The following NHS variants were observed in gnomAD, a reference collection of about 807,000 sequenced individuals.
NHS encodes the protein NHS actin remodeling regulator.
A neutral mutation model predicts 72.5 loss-of-function variants in NHS; 5 were observed. The ratio of observed to expected loss-of-function variants is 0.07; its 90% CI spans 0.04 to 0.14. NHS has a LOEUF of 0.14. NHS is among the 10% of genes least tolerant of loss of function. The pLI is 1.00. For missense variants in NHS, 1,072 were observed against 1,355.7 expected (o/e 0.79, Z 3.29); for synonymous variants, 464 against 547.7 (o/e 0.85, Z 2.13).
At chrX:17,548,072 G>A (rs758839460) in intron 1 of NHS, among the ~76,000 whole-genome samples, 11 of 111,786 alleles carry the variant, frequency 9.8e-5, no homozygotes, top group Non-Finnish European at 2.1e-4. Context: ...CAAGTTGCAA[G>A]ACCAAGCCAG....
At chrX:17,409,585 C>A (rs948190338) in intron 1 of NHS, among the ~76,000 whole-genome samples, 1 of 111,349 alleles carries the variant, frequency 9.0e-6, no homozygotes, top group African/African-American at 3.3e-5. Flanking sequence ...CGCTACATGT[C>A]TAAGGGGTGT....
At chrX:17,435,519 C>T (rs1318937524) in intron 1 of NHS, among the ~76,000 whole-genome samples, 1 of 112,241 alleles carries the variant, frequency 8.9e-6, no homozygotes, top group Non-Finnish European at 1.9e-5. Context: ...GAGGTTCTGC[C>T]TGCGGGCTCT....
intron 1 of NHS, among the ~76,000 whole-genome samples, chrX:17,445,549 G>A (rs1423426815): frequency 1.8e-5 from 2 of 110,879 alleles, no homozygotes; most frequent in African/African-American, 6.6e-5. Context: ...ATTGATCTTG[G>A]ACTCTTGGCA....
At chrX:17,508,898 C>A (rs914410647) in intron 1 of NHS, among the ~76,000 whole-genome samples, 4 of 111,994 alleles carry the variant, frequency 3.6e-5, no homozygotes, top group Non-Finnish European at 5.6e-5. Flanking sequence ...TTCTTTTGGG[C>A]ATATACAAGG....
At chrX:17,426,518 G>T (rs949970010) in intron 1 of NHS, among the ~76,000 whole-genome samples, 4 of 111,883 alleles carry the variant, frequency 3.6e-5, no homozygotes, top group Non-Finnish European at 5.6e-5. Flanking sequence ...TACCTCTCTA[G>T]GCCTCAGCTT....
rs551405774 is a variant in NHS, at chrX:17,659,229, G to T, written c.566-28513G>T. Among the ~76,000 whole-genome samples the T allele has an allele frequency of 5.0e-3, 557 of 112,277 alleles. 7 individuals carry two copies. The highest frequency in any genetic ancestry group is 0.021 in the South Asian group (56 of 2,669). ...GACTGGGAAATCTAGTCTGTGTGCAGTTTGTGCTATGGCAGTACACTCTCT... is the reference window on the plus strand; with the variant it reads ...GACTGGGAAATCTAGTCTGTGTGCATTTTGTGCTATGGCAGTACACTCTCT... On this transcript the variant is annotated intron_variant, in intron 1 of 8. Coordinates refer to ENST00000676302, the MANE Select transcript of NHS (RefSeq NM_001291867.2).
In NHS at chrX:17,468,925, G is replaced by A. The variant is rs933377141; in HGVS notation, c.565+92603G>A. ...GTACCAAAATTAACAGTATAGCTTGGTGAGTTTTACCAACGAATATTATAA... is the reference window on the plus strand; with the variant it reads ...GTACCAAAATTAACAGTATAGCTTGATGAGTTTTACCAACGAATATTATAA... On this transcript the variant is annotated intron_variant, in intron 1 of 8. Transcript: ENST00000676302. Among the ~76,000 whole-genome samples the A allele has an allele frequency of 5.4e-5, 6 of 111,385 alleles. No homozygotes were observed. In the East Asian group the frequency reaches 1.7e-3, roughly 31 times the overall value.
intron 1 of NHS, among the ~76,000 whole-genome samples, chrX:17,633,080 G>GTT (rs375112672): frequency 4.8e-5 from 5 of 103,908 alleles, no homozygotes; most frequent in African/African-American, 1.4e-4. Context: ...AAGGGTTTTT[G>GTT]TTTTTTTTTT....
chrX:17,562,632 G>A (rs1175193535), intron 1 of NHS, among the ~76,000 whole-genome samples: 4 of 111,152 alleles, frequency 3.6e-5, no homozygotes, highest in African/African-American at 1.3e-4. Flanking sequence ...TCATAGTTAT[G>A]GTCTTGATAA....
chrX:17,384,095 G>C (rs774579298), intron 1 of NHS, among the ~76,000 whole-genome samples: 5 of 112,117 alleles, frequency 4.5e-5, no homozygotes, highest in Admixed American at 9.4e-5. Context: ...TAATACATTG[G>C]GTGAATTGAT....
intron 3 of NHS, chrX:17,705,507 C>T (rs1206420535): frequency 1.8e-5 from 2 of 112,487 alleles, no homozygotes; most frequent in African/African-American, 6.5e-5. Flanking sequence ...GCTCCTGTAA[C>T]AGCTCACTGC....
chrX:17,711,941 T>G (rs1165875395), intron 3 of NHS, among the ~76,000 whole-genome samples: 1 of 110,005 alleles, frequency 9.1e-6, no homozygotes, highest in Non-Finnish European at 1.9e-5. Flanking sequence ...TATAAGTATT[T>G]TATAAGTATT....
intron 1 of NHS, among the ~76,000 whole-genome samples, chrX:17,476,137 T>A (rs1411110854): frequency 8.9e-6 from 1 of 111,868 alleles, no homozygotes; most frequent in Non-Finnish European, 1.9e-5. Flanking sequence ...TTCAGGATGC[T>A]TGGATTAGCT....
intron 1 of NHS, among the ~76,000 whole-genome samples, chrX:17,471,701 T>A (rs1210905646): frequency 1.8e-5 from 2 of 112,269 alleles, no homozygotes; most frequent in Non-Finnish European, 3.8e-5. Context: ...TTTGGGACTC[T>A]TTTTTCCAGA....
At chrX:17,415,980 C>T (rs1444599509) in intron 1 of NHS, among the ~76,000 whole-genome samples, 1 of 111,505 alleles carries the variant, frequency 9.0e-6, no homozygotes, top group Non-Finnish European at 1.9e-5. Context: ...GTAAAGTTGG[C>T]ATGCTATGAT....
At chrX:17,715,517 C>G (rs1457002437) in intron 3 of NHS, among the ~76,000 whole-genome samples, 1 of 112,747 alleles carries the variant, frequency 8.9e-6, no homozygotes, top group Non-Finnish European at 1.9e-5. Context: ...TCATACATGA[C>G]TTCGTTTCCT....
intron 1 of NHS, chrX:17,557,349 C>A (rs56343296): frequency 6.8e-5 from 7 of 102,472 alleles, no homozygotes; most frequent in African/African-American, 2.2e-4. Context: ...ATATATATAT[C>A]TTGCATTTCA....
intron 1 of NHS, among the ~76,000 whole-genome samples, chrX:17,613,912 C>T (rs1437843443): frequency 8.9e-6 from 1 of 112,119 alleles, no homozygotes; most frequent in African/African-American, 3.2e-5. Context: ...GCTACAGATC[C>T]ATCAGTTCCC....
Position 17,728,674 on chromosome X carries a change from C to T in NHS, c.4248C>T (p.Ile1416=). 8.3e-7 allele frequency: 1 copy of T among 1,210,133 alleles called. No homozygotes were observed. Among genetic ancestry groups the T allele is most frequent in the Non-Finnish European group, 1.1e-6 (1 of 894,385 alleles). Residue 1416 remains isoleucine, a synonymous_variant, in exon 8 of 9, where the codon ATC becomes ATT. Coordinates refer to ENST00000676302, the MANE Select transcript of NHS (RefSeq NM_001291867.2). ...LKESSPSDDS[I]ISPLSEDSQA... Reference sequence around the variant, plus strand: ...AATCATCACCGAGTGATGACTCCATCATTTCACCACTTAGTGAAGACTCCC... The same window carrying T: ...AATCATCACCGAGTGATGACTCCATTATTTCACCACTTAGTGAAGACTCCC...
Sources: gnomAD v4.1 joint callset for allele counts (sites outside exome capture counted in the v4.1 genomes callset) on GRCh38, gnomAD v4.1.1 for gene constraint, MANE v1.5 for transcripts, NCBI Gene and HGNC (gene_info 2026-07-23, HGNC 2026-07-21) for gene names.